OR2C1: variants seen among roughly 807,000 people sequenced by gnomAD.
OR2C1 encodes olfactory receptor 2C1.
For synonymous variants in OR2C1, 209 were observed against 167.3 expected (o/e 1.25, Z -1.92); for missense variants, 468 against 388.3 (o/e 1.21, Z -1.73).
At chr16:3,350,796 C>T in the OR2C1 span, among the ~76,000 whole-genome samples, 2 of 151,736 alleles carry the variant, frequency 1.3e-5, no homozygotes, top group African/African-American at 4.8e-5. Context: ...CTGGGAAATT[C>T]TTAACATACA....
chr16:3,329,422 A>T, the OR2C1 span, among the ~76,000 whole-genome samples: 11 of 152,192 alleles, frequency 7.2e-5, no homozygotes, highest in East Asian at 1.2e-3. Flanking sequence ...GGGGAAAAAC[A>T]TGCATACCTA....
At chr16:3,337,799 G>A in the OR2C1 span, among the ~76,000 whole-genome samples, 1 of 149,076 alleles carries the variant, frequency 6.7e-6, no homozygotes, top group African/African-American at 2.4e-5. Flanking sequence ...GTTTGCTGTT[G>A]ATTCTTGTGG....
At chr16:3,342,034 A>G in the OR2C1 span, among the ~76,000 whole-genome samples, 1 of 152,204 alleles carries the variant, frequency 6.6e-6, no homozygotes. Context: ...CCAAAAGTGG[A>G]AATATACCAG....
chr16:3,334,835 T>A, the OR2C1 span, among the ~76,000 whole-genome samples: 225 of 151,864 alleles, frequency 1.5e-3, 2 homozygotes, highest in East Asian at 0.021. Context: ...TTTTTTTTTT[T>A]AAGACAGAGT....
At chr16:3,329,716 T>C in the OR2C1 span, among the ~76,000 whole-genome samples, 5 of 146,422 alleles carry the variant, frequency 3.4e-5, no homozygotes, top group Non-Finnish European at 7.4e-5. Flanking sequence ...CCCAAAGTGC[T>C]GGGATTACAG....
the OR2C1 span, among the ~76,000 whole-genome samples, chr16:3,325,460 AAT>A: frequency 0.054 from 4,941 of 91,790 alleles, 70 homozygotes; most frequent in Middle Eastern, 0.091. Flanking sequence ...TATGTCTAAA[AAT>A]ATATATATAT....
the OR2C1 span, among the ~76,000 whole-genome samples, chr16:3,339,435 T>C: frequency 5.9e-5 from 9 of 152,148 alleles, no homozygotes; most frequent in Non-Finnish European, 1.5e-5. Flanking sequence ...ACTGCCAAAC[T>C]GTTTTCTACA....
rs1447988753 is a variant in OR2C1 at position 3,357,297 on chromosome 16, AT to A, written c.*420del. 5.7e-6 allele frequency: 1 copy of A among 174,484 alleles called. No homozygotes were observed. The highest frequency in any genetic ancestry group is 1.8e-4 in the East Asian group (1 of 5,640). The allele number at this position is 174,484 out of a possible 1,614,324, so 10.8% of individuals were successfully genotyped here. A position where few individuals can be genotyped will look rare whatever the true frequency, so the allele number is the denominator to read the frequency against. On this transcript the variant is annotated 3_prime_UTR_variant, in exon 1 of 1. Transcript: ENST00000304936. Reference sequence around the variant, plus strand: ...ATTCCATAAAATCAAGCCATGTATTATTAACTTCATATGAAGACCCAAACAA... The same window carrying A: ...ATTCCATAAAATCAAGCCATGTATTATAACTTCATATGAAGACCCAAACAA...
chr16:3,326,251 GC>G, the OR2C1 span, among the ~76,000 whole-genome samples: 1 of 152,008 alleles, frequency 6.6e-6, no homozygotes, highest in Non-Finnish European at 1.5e-5. Flanking sequence ...TATGATGACA[GC>G]CTGGGACGCC....
upstream of OR2C1, among the ~76,000 whole-genome samples, chr16:3,352,711 A>C (rs2150850839): frequency 6.7e-6 from 1 of 149,984 alleles, no homozygotes; most frequent in South Asian, 2.1e-4. Flanking sequence ...GAAGATGAGC[A>C]GTGTCTTTCT....
the OR2C1 span, among the ~76,000 whole-genome samples, chr16:3,340,293 A>G: frequency 6.6e-6 from 1 of 151,890 alleles, no homozygotes; most frequent in Admixed American, 6.6e-5. Flanking sequence ...AAAAAGAGAG[A>G]GAAAGAAAAA....
rs756057745 is a variant in OR2C1, at chr16:3,356,196, T to C, written c.256T>C (p.Trp86Arg). Residue 86 changes from tryptophan to arginine, a missense_variant, in exon 1 of 1, where the codon TGG (tryptophan) becomes CGG (arginine). By Grantham distance (101) the Trp-to-Arg change is moderately radical. Transcript: ENST00000304936. The stretch of plus-strand genomic sequence containing the variant: ...AGTCCCCCAAATGCTGATCAATTTA[T>C]GGGGACCAGGCAAGACCATCAGCTA... Reference protein sequence around the residue: ...SSVPQMLINLWGPGKTISYGG... With the variant: ...SSVPQMLINLRGPGKTISYGG... 19 of 1,614,080 alleles carry C rather than the reference T, an allele frequency of 1.2e-5. No individual in the cohort carries two copies. The East Asian group carries it at 3.6e-4, about 30-fold the overall frequency.
rs143663049 is a variant in OR2C1, at chr16:3,356,837, C to T, written c.897C>T (p.Gly299=). The T allele has an allele frequency of 1.4e-5, 22 of 1,608,762 alleles. No individual in the cohort carries two copies. The highest frequency in any genetic ancestry group is 6.7e-5 in the Admixed American group (4 of 59,270). Residue 299 remains glycine (G), a synonymous_variant, in exon 1 of 1, where the codon GGC becomes GGT. Coordinates refer to ENST00000304936, the MANE Select transcript of OR2C1 (RefSeq NM_012368.3). ...CGCTGCGGAACATGGAAGTGAAGGG[C>T]GCACTGAGGAGGTTGCTGGGGAAAG... ...IYTLRNMEVK[G]ALRRLLGKGR...
upstream of OR2C1, among the ~76,000 whole-genome samples, chr16:3,355,093 C>A (rs140478848): frequency 7.2e-4 from 109 of 152,202 alleles, 1 homozygote; most frequent in South Asian, 0.01. Flanking sequence ...TCCGTGTTAG[C>A]TCATACCTGA....
chr16:3,322,972 A>C, the OR2C1 span: 6 of 980,970 alleles, frequency 6.1e-6, no homozygotes, highest in Non-Finnish European at 7.3e-6. Context: ...GCCAATGTAG[A>C]AAATGCTGGA....
At chr16:3,333,345 T>C in the OR2C1 span, among the ~76,000 whole-genome samples, 8 of 151,690 alleles carry the variant, frequency 5.3e-5, no homozygotes, top group African/African-American at 1.9e-4. Flanking sequence ...TATTTTAGTT[T>C]AGTTTATTTG....
upstream of OR2C1, among the ~76,000 whole-genome samples, chr16:3,353,898 G>A (rs2030613628): frequency 6.6e-6 from 1 of 152,070 alleles, no homozygotes; most frequent in African/African-American, 2.4e-5. Flanking sequence ...GAAAGGGGAT[G>A]GTGATTGGCC....
At chr16:3,345,991 G>A in the OR2C1 span, among the ~76,000 whole-genome samples, 7 of 151,900 alleles carry the variant, frequency 4.6e-5, no homozygotes, top group African/African-American at 1.5e-4. Context: ...GCACCACCAC[G>A]TCTAACTAAT....
Position 3,356,570 on chromosome 16 carries a change from A to G in OR2C1, c.630A>G (p.Pro210=). ...NGVCTFFTAV[P]LSIIVISYCL... is the part of the protein sequence containing the mutation. Reference sequence around the variant, plus strand: ...TCTGCACCTTCTTCACTGCAGTCCCACTAAGCATCATCGTGATCTCCTACT... The same window carrying G: ...TCTGCACCTTCTTCACTGCAGTCCCGCTAAGCATCATCGTGATCTCCTACT... Residue 210 remains proline (P), a synonymous_variant, in exon 1 of 1, where the codon CCA becomes CCG. Coordinates refer to ENST00000304936, the MANE Select transcript of OR2C1 (RefSeq NM_012368.3). 1 of 1,614,202 alleles carries G rather than the reference A, an allele frequency of 6.2e-7. No individual in the cohort carries two copies. The highest frequency in any genetic ancestry group is 8.5e-7 in the Non-Finnish European group (1 of 1,180,040).
Sources: allele counts gnomAD v4.1 joint callset (sites outside exome capture counted in the v4.1 genomes callset), GRCh38; gene constraint gnomAD v4.1.1; transcripts MANE v1.5; gene names NCBI Gene and HGNC (gene_info 2026-07-23, HGNC 2026-07-21).